NIBAN1: variants seen among roughly 807,000 people sequenced by gnomAD.
NIBAN1 encodes protein Niban 1.
A neutral mutation model predicts 75.1 loss-of-function variants in NIBAN1; 81 were observed. The observed-to-expected ratio is 1.08, with a 90% confidence interval of 0.90 to 1.30. The LOEUF (loss-of-function observed/expected upper bound fraction) is 1.30, where lower values mean the gene tolerates loss of function less well. Among genes scored for constraint, NIBAN1 ranks in the 50% most tolerant of loss-of-function variants. The probability of loss-of-function intolerance (pLI) is 0.00; values close to 1 mark genes in which losing one functional copy is unlikely to be tolerated. For missense variants in NIBAN1, 1,133 were observed against 1,128.1 expected (o/e 1.00, Z -0.06); for synonymous variants, 436 against 424.8 (o/e 1.03, Z -0.32).
intron 9 of NIBAN1, among the ~76,000 whole-genome samples, chr1:184,813,777 T>C (rs532738855): frequency 1.3e-5 from 2 of 152,382 alleles, no homozygotes; most frequent in East Asian, 3.9e-4. Flanking sequence ...CTTTTCACTG[T>C]ACAGCTTGCT....
In NIBAN1 at chr1:184,925,693, C is replaced by CA. The variant is rs201647226; in HGVS notation, c.56-26385dup. 4.7e-3 allele frequency among the ~76,000 whole-genome samples: 702 copies of CA among 149,670 alleles called. 22 individuals carry two copies. The highest frequency in any genetic ancestry group is 0.04 in the Admixed American group (596 of 15,070). On this transcript the variant is annotated intron_variant, in intron 1 of 13. Transcript: ENST00000367511. Reference sequence around the variant, plus strand: ...CATAAACAAATAAGCAAAGAGAAAACAAAAAAAAACTCTATACATTAACTT... The same window carrying CA: ...CATAAACAAATAAGCAAAGAGAAAACAAAAAAAAAACTCTATACATTAACTT...
intron 5 of NIBAN1, among the ~76,000 whole-genome samples, chr1:184,854,720 T>C (rs1474519895): frequency 6.6e-6 from 1 of 152,216 alleles, no homozygotes; most frequent in Non-Finnish European, 1.5e-5. Flanking sequence ...TAACAGATTG[T>C]TCACCCTGCC....
intron 1 of NIBAN1, among the ~76,000 whole-genome samples, chr1:184,923,541 A>T (rs963218293): frequency 6.6e-6 from 1 of 152,164 alleles, no homozygotes; most frequent in African/African-American, 2.4e-5. Flanking sequence ...AGCTTTGGCT[A>T]TCCTGGGTCT....
At chr1:184,859,122 C>T (rs556720380) in intron 5 of NIBAN1, among the ~76,000 whole-genome samples, 2 of 151,708 alleles carry the variant, frequency 1.3e-5, no homozygotes, top group Non-Finnish European at 2.9e-5. Flanking sequence ...AAAACCCTAA[C>T]ATTTATGATA....
At chr1:184,867,506 T>A (rs1370650614) in intron 5 of NIBAN1, among the ~76,000 whole-genome samples, 1 of 152,124 alleles carries the variant, frequency 6.6e-6, no homozygotes, top group African/African-American at 2.4e-5. Context: ...AAGAAGGATA[T>A]CTTCAACTAT....
intron 1 of NIBAN1, among the ~76,000 whole-genome samples, chr1:184,904,897 G>A (rs1657050778): frequency 6.6e-6 from 1 of 151,488 alleles, no homozygotes; most frequent in Non-Finnish European, 1.5e-5. Context: ...GTTGCAGTGA[G>A]CCAAGATCGC....
intron 8 of NIBAN1, 112 bp downstream of exon 8, chr1:184,823,055 T>TC: frequency 7.7e-7 from 1 of 1,298,304 alleles, no homozygotes; most frequent in Non-Finnish European, 1.1e-6. Context: ...GATCACCTCC[T>TC]CCCAATTTCT....
chr1:184,872,375 A>T (rs539527754), intron 5 of NIBAN1, among the ~76,000 whole-genome samples: 12 of 152,204 alleles, frequency 7.9e-5, no homozygotes, highest in Admixed American at 3.3e-4. Flanking sequence ...TCAGGGAAAA[A>T]AAAAGAGAGA....
At chr1:184,911,238 A>G (rs7520051) in intron 1 of NIBAN1, among the ~76,000 whole-genome samples, 12,655 of 152,246 alleles carry the variant, frequency 0.083, 1,749 homozygotes, top group African/African-American at 0.29. Context: ...ATTAAAAGCA[A>G]TGCAAATATC....
intron 1 of NIBAN1, among the ~76,000 whole-genome samples, chr1:184,961,621 C>A (rs77492788): frequency 0.014 from 2,197 of 152,312 alleles, 45 homozygotes; most frequent in African/African-American, 0.048. Context: ...GTATCCATGA[C>A]CCTCCCTATA....
At chr1:184,906,314 T>C (rs1657102837) in intron 1 of NIBAN1, among the ~76,000 whole-genome samples, 1 of 151,118 alleles carries the variant, frequency 6.6e-6, no homozygotes, top group Non-Finnish European at 1.5e-5. Context: ...CATTTGAAAT[T>C]CAATTCATAT....
chr1:184,906,401 C>A (rs1307393603), intron 1 of NIBAN1, among the ~76,000 whole-genome samples: 3 of 151,998 alleles, frequency 2.0e-5, no homozygotes, highest in Non-Finnish European at 2.9e-5. Flanking sequence ...GAGGCCGAGG[C>A]GGGTGGATCA....
At chr1:184,889,323 G>A (rs1002141050) in intron 4 of NIBAN1, among the ~76,000 whole-genome samples, 4 of 152,132 alleles carry the variant, frequency 2.6e-5, no homozygotes, top group South Asian at 2.1e-4. Context: ...TTCAGCAGCC[G>A]GCTAAGCTAA....
intron 12 of NIBAN1, among the ~76,000 whole-genome samples, chr1:184,802,956 T>A (rs1203793702): frequency 6.6e-6 from 1 of 152,174 alleles, no homozygotes; most frequent in Admixed American, 6.5e-5. Flanking sequence ...CATGAGGATA[T>A]AAATAATACC....
At chr1:184,928,712 G>A (rs879069017) in intron 1 of NIBAN1, among the ~76,000 whole-genome samples, 2 of 152,096 alleles carry the variant, frequency 1.3e-5, no homozygotes, top group Admixed American at 1.3e-4. Flanking sequence ...TGGAAGACTG[G>A]GTGGTATAGG....
intron 1 of NIBAN1, among the ~76,000 whole-genome samples, chr1:184,951,915 C>G (rs1035697324): frequency 6.6e-6 from 1 of 152,158 alleles, no homozygotes; most frequent in African/African-American, 2.4e-5. Flanking sequence ...ACTGACCTCC[C>G]TGCTTCATCA....
intron 8 of NIBAN1, 152 bp downstream of exon 8, chr1:184,823,015 G>A (rs1654745423): frequency 6.8e-6 from 6 of 887,018 alleles, no homozygotes; most frequent in African/African-American, 6.8e-5. Flanking sequence ...GCCCCTAATG[G>A]TACCTCCAGC....
chr1:184,820,159 CTGTT>C (rs1310282874), intron 8 of NIBAN1, among the ~76,000 whole-genome samples: 2 of 152,088 alleles, frequency 1.3e-5, no homozygotes, highest in African/African-American at 4.8e-5. Context: ...AAGTGTAAAA[CTGTT>C]TGTCAGGAGA....
intron 5 of NIBAN1, among the ~76,000 whole-genome samples, chr1:184,856,739 TCCA>T (rs1381763442): frequency 6.6e-6 from 1 of 152,278 alleles, no homozygotes; most frequent in East Asian, 1.9e-4. Flanking sequence ...GAATAATAAA[TCCA>T]CCACCTGTTC....
Sources: gnomAD v4.1 joint callset for allele counts (sites outside exome capture counted in the v4.1 genomes callset) on GRCh38, gnomAD v4.1.1 for gene constraint, MANE v1.5 for transcripts, NCBI Gene and HGNC (gene_info 2026-07-23, HGNC 2026-07-21) for gene names.